CACNA1E: variants seen among roughly 807,000 people sequenced by gnomAD.
The protein encoded by CACNA1E is voltage-dependent R-type calcium channel subunit alpha-1E.
CACNA1E carries 40 observed loss-of-function variants against 259.2 expected under a neutral mutation model. That is an observed-to-expected ratio of 0.15 (90% CI 0.12 to 0.20). The LOEUF is 0.20. CACNA1E is among the 10% of genes least tolerant of loss of function. CACNA1E has a pLI of 1.00. For synonymous variants in CACNA1E, 1,104 were observed against 1,138.5 expected (o/e 0.97, Z 0.61); for missense variants, 1,874 against 3,040.1 (o/e 0.62, Z 9.02).
chr1:181,659,061 C>T (rs1426479100), intron 7 of CACNA1E, among the ~76,000 whole-genome samples: 1 of 152,000 alleles, frequency 6.6e-6, no homozygotes, highest in African/African-American at 2.4e-5. Flanking sequence ...GCTTGGAAAC[C>T]TAGGGAGCAG....
chr1:181,793,123 T>C (rs1410842435), intron 44 of CACNA1E, among the ~76,000 whole-genome samples: 1 of 152,246 alleles, frequency 6.6e-6, no homozygotes, highest in Non-Finnish European at 1.5e-5. Flanking sequence ...CATGGGACTG[T>C]GTCACTCAGG....
intron 7 of CACNA1E, among the ~76,000 whole-genome samples, chr1:181,706,640 T>C (rs1230937257): frequency 6.6e-6 from 1 of 152,176 alleles, no homozygotes; most frequent in South Asian, 2.1e-4. Flanking sequence ...ACAAAACCCA[T>C]CTGTTTTAAT....
intron 1 of CACNA1E, among the ~76,000 whole-genome samples, chr1:181,356,198 G>A (rs1653421750): frequency 6.6e-6 from 1 of 152,116 alleles, no homozygotes; most frequent in Admixed American, 6.5e-5. Context: ...GATTTATTAG[G>A]AATATTCTAG....
At chr1:181,689,799 T>A (rs187534535) in intron 7 of CACNA1E, among the ~76,000 whole-genome samples, 13 of 152,350 alleles carry the variant, frequency 8.5e-5, no homozygotes, top group Non-Finnish European at 2.9e-5. Flanking sequence ...TCTGTTCATA[T>A]CCTTTGGTCA....
At chr1:181,726,621 C>T (rs1009479745) in intron 18 of CACNA1E, among the ~76,000 whole-genome samples, 4 of 152,244 alleles carry the variant, frequency 2.6e-5, no homozygotes, top group East Asian at 3.9e-4. Flanking sequence ...GGGGCCAACT[C>T]GGAGGTCCTT....
intron 1 of CACNA1E, among the ~76,000 whole-genome samples, chr1:181,361,684 C>T (rs1653896006): frequency 6.6e-6 from 1 of 152,126 alleles, no homozygotes; most frequent in Admixed American, 6.5e-5. Flanking sequence ...GCCTTGGTGC[C>T]CCAAGTTCTG....
chr1:181,422,396 G>A (rs1300332085), intron 2 of CACNA1E, among the ~76,000 whole-genome samples: 3 of 152,302 alleles, frequency 2.0e-5, no homozygotes, highest in East Asian at 3.9e-4. Flanking sequence ...TGTTCACCTG[G>A]CCTCTGATAG....
At chr1:181,438,980 C>G (rs954051698) in intron 2 of CACNA1E, among the ~76,000 whole-genome samples, 1 of 152,096 alleles carries the variant, frequency 6.6e-6, no homozygotes, top group Admixed American at 6.5e-5. Context: ...AGTGGAGAAG[C>G]GACAGCCTAA....
At chr1:181,735,533 C>T (rs552199617) in intron 21 of CACNA1E, among the ~76,000 whole-genome samples, 4 of 152,316 alleles carry the variant, frequency 2.6e-5, no homozygotes, top group African/African-American at 9.6e-5. Flanking sequence ...GCCAGTTTAA[C>T]CTACACCGTG....
At chr1:181,724,717 T>C (rs1373903526) in intron 17 of CACNA1E, among the ~76,000 whole-genome samples, 180 bp downstream of exon 17, 1 of 152,244 alleles carries the variant, frequency 6.6e-6, no homozygotes, top group East Asian at 1.9e-4. Context: ...TTCACTTTTA[T>C]TGAGTTTGGT....
At chr1:181,327,113 G>A (rs1003132810) in intron 1 of CACNA1E, among the ~76,000 whole-genome samples, 1 of 152,208 alleles carries the variant, frequency 6.6e-6, no homozygotes, top group Non-Finnish European at 1.5e-5. Flanking sequence ...CGAGGATTGT[G>A]TCTTTTATCT....
intron 1 of CACNA1E, among the ~76,000 whole-genome samples, chr1:181,403,567 T>G (rs1300665204): frequency 6.6e-6 from 1 of 152,124 alleles, no homozygotes; most frequent in African/African-American, 2.4e-5. Flanking sequence ...AGTGTCCATT[T>G]ATAGAGGATG....
At chr1:181,715,483 A>T in intron 9 of CACNA1E, 92 bp downstream of exon 9, 1 of 722,048 alleles carries the variant, frequency 1.4e-6, no homozygotes, top group Non-Finnish European at 2.5e-6. Flanking sequence ...AAAGAAATGA[A>T]AGATGGTGTT....
At chr1:181,569,753 C>G (rs1168549675) in intron 3 of CACNA1E, among the ~76,000 whole-genome samples, 2 of 152,208 alleles carry the variant, frequency 1.3e-5, no homozygotes, top group South Asian at 2.1e-4. Flanking sequence ...ACCCACTTCT[C>G]CTTGAGCGAA....
At position 181,798,955 on chromosome 1, in the gene CACNA1E, C is replaced by A; in HGVS notation, c.*121C>A. 1 of 856,216 alleles carries A rather than the reference C, an allele frequency of 1.2e-6. No homozygotes were observed. The highest frequency in any genetic ancestry group is 1.7e-6 in the Non-Finnish European group (1 of 590,442). The allele number at this position is 856,216 out of a possible 1,614,324, so 53.0% of individuals were successfully genotyped here. On this transcript the variant is annotated 3_prime_UTR_variant, in exon 48 of 48. Transcript: ENST00000367573. This position sits in a 1 kb window ranked among gnomAD's most constrained non-coding sequence, Gnocchi z 4.2. The stretch of plus-strand genomic sequence containing the variant: ...AAAAGGAAGATGGAAGGACACCATG[C>A]ATTATCAGAGAAGAGGAAGTAAAGG...
chr1:181,733,080 G>C (rs75611241), intron 20 of CACNA1E, 46 bp downstream of exon 20: 5 of 1,504,852 alleles, frequency 3.3e-6, no homozygotes, highest in East Asian at 4.7e-5. Context: ...ACAGGCTGCT[G>C]TTAGGTGTTC....
At position 181,335,396 on chromosome 1, in the gene CACNA1E, T is replaced by C. The variant is rs144174946; in HGVS notation, c.-15+17273T>C. Among the ~76,000 whole-genome samples the C allele has an allele frequency of 1.4e-4, 21 of 152,368 alleles. No individual in the cohort carries two copies. In the East Asian group the frequency reaches 4.0e-3, roughly 29 times the overall value. ...AGTCTTGTCTTTCCTTCTGTCTCTG[T>C]GCAGGACACTGTCAAACCTCCAAGA... is the stretch of plus-strand genomic sequence containing the variant. On this transcript the variant is annotated intron_variant, in intron 1 of 11. Coordinates refer to the CACNA1E transcript ENST00000524607.
intron 2 of CACNA1E, among the ~76,000 whole-genome samples, chr1:181,434,715 G>C (rs1313253343): frequency 6.6e-6 from 1 of 152,202 alleles, no homozygotes; most frequent in Non-Finnish European, 1.5e-5. Flanking sequence ...GGGAGCGCAG[G>C]GGGTTTGGTG....
intron 7 of CACNA1E, among the ~76,000 whole-genome samples, chr1:181,692,377 A>T (rs759602114): frequency 6.6e-6 from 1 of 152,182 alleles, no homozygotes; most frequent in Admixed American, 6.5e-5. Flanking sequence ...AAAGCCAGTG[A>T]CATCACACTA....
Sources: gnomAD v4.1 joint callset for allele counts (sites outside exome capture counted in the v4.1 genomes callset) on GRCh38, gnomAD v4.1.1 for gene constraint, Gnocchi (gnomAD v3.1) non-coding constraint, MANE v1.5 for transcripts, NCBI Gene and HGNC (gene_info 2026-07-23, HGNC 2026-07-21) for gene names.